The following THSD7B variants were observed in gnomAD, a reference collection of about 807,000 sequenced individuals.
The protein encoded by THSD7B is thrombospondin type 1 domain containing 7B, also known as thrombospondin type-1 domain-containing protein 7B.
THSD7B carries 138 observed loss-of-function variants against 213.6 expected under a neutral mutation model. The ratio of observed to expected loss-of-function variants is 0.65; its 90% CI spans 0.56 to 0.74. The LOEUF (loss-of-function observed/expected upper bound fraction) is 0.74. Ranked by LOEUF, THSD7B falls within the 30% of genes least tolerant of loss-of-function variation. THSD7B has a pLI of 0.00. For missense variants in THSD7B, 1,931 were observed against 1,991.5 expected (o/e 0.97, Z 0.58); for synonymous variants, 742 against 687.0 (o/e 1.08, Z -1.25).
intron 2 of THSD7B, among the ~76,000 whole-genome samples, chr2:136,940,913 T>C (rs190216308): frequency 1.3e-5 from 2 of 151,620 alleles, no homozygotes; most frequent in East Asian, 3.9e-4. Flanking sequence ...TGTGCAAGTT[T>C]GTTACATGGG....
chr2:137,414,954 G>A (rs755448191), intron 14 of THSD7B, among the ~76,000 whole-genome samples: 16 of 151,628 alleles, frequency 1.1e-4, no homozygotes, highest in Non-Finnish European at 2.2e-4. Context: ...TACTTGGGAG[G>A]CTGAGGTGGG....
chr2:137,320,483 G>A (rs1336296915), intron 12 of THSD7B, among the ~76,000 whole-genome samples: 1 of 152,184 alleles, frequency 6.6e-6, no homozygotes, highest in Non-Finnish European at 1.5e-5. Context: ...GACATTAAAT[G>A]TGCAATTTGT....
intron 12 of THSD7B, among the ~76,000 whole-genome samples, chr2:137,389,708 A>T (rs186777915): frequency 6.6e-6 from 1 of 151,716 alleles, no homozygotes; most frequent in African/African-American, 2.4e-5. Flanking sequence ...TTTGCATCTT[A>T]TGCTTAGGTT....
intron 14 of THSD7B, among the ~76,000 whole-genome samples, chr2:137,427,528 T>C (rs4954509): frequency 0.66 from 99,950 of 151,822 alleles, 33,779 homozygotes; most frequent in East Asian, 0.84. Context: ...AAAAAAAACC[T>C]TGCCATTTGT....
At chr2:137,176,151 A>G (rs1680353704) in intron 7 of THSD7B, among the ~76,000 whole-genome samples, 1 of 152,220 alleles carries the variant, frequency 6.6e-6, no homozygotes, top group Non-Finnish European at 1.5e-5. Context: ...TTTCTTTTTC[A>G]CATAAGTATA....
At chr2:137,518,417 G>A (rs374805906) in intron 15 of THSD7B, among the ~76,000 whole-genome samples, 40 of 152,332 alleles carry the variant, frequency 2.6e-4, no homozygotes, top group African/African-American at 8.4e-4. Flanking sequence ...ATGGCCAGAT[G>A]TGTGATTACA....
At chr2:136,848,657 TC>T (rs1313999360) in intron 1 of THSD7B, among the ~76,000 whole-genome samples, 1 of 152,190 alleles carries the variant, frequency 6.6e-6, no homozygotes, top group Admixed American at 6.6e-5. Flanking sequence ...TATCTTTTAA[TC>T]CAATTTTTGC....
chr2:137,107,094 G>A (rs10180236), intron 4 of THSD7B, among the ~76,000 whole-genome samples: 150,605 of 152,336 alleles, frequency 0.99, 74,465 homozygotes, highest in Middle Eastern at 1. Context: ...AGGCACACAT[G>A]TGTTTATTGC....
chr2:137,193,050 G>C (rs559170635), intron 7 of THSD7B, among the ~76,000 whole-genome samples: 1 of 152,076 alleles, frequency 6.6e-6, no homozygotes. Context: ...TGTGGAAACA[G>C]TTCAGCATGT....
At chr2:137,623,337 T>A (rs553585276) in intron 20 of THSD7B, among the ~76,000 whole-genome samples, 2 of 152,228 alleles carry the variant, frequency 1.3e-5, no homozygotes, top group Non-Finnish European at 2.9e-5. Flanking sequence ...CTCAAAATAA[T>A]AAGAGCTATT....
At chr2:136,827,727 T>A (rs1682671215) in intron 1 of THSD7B, among the ~76,000 whole-genome samples, 1 of 151,986 alleles carries the variant, frequency 6.6e-6, no homozygotes, top group Non-Finnish European at 1.5e-5. Flanking sequence ...AACCATTGGT[T>A]ATCAGTAGAA....
intron 10 of THSD7B, among the ~76,000 whole-genome samples, chr2:137,245,290 T>A (rs1249716591): frequency 6.6e-6 from 1 of 152,210 alleles, no homozygotes; most frequent in African/African-American, 2.4e-5. Context: ...TCTCTTTGCC[T>A]CAGTTTTCTA....
chr2:137,493,279 T>C (rs1298851962), intron 15 of THSD7B, among the ~76,000 whole-genome samples: 1 of 152,190 alleles, frequency 6.6e-6, no homozygotes, highest in East Asian at 1.9e-4. Flanking sequence ...CTGCATTTAC[T>C]GAAGACGTTT....
At chr2:137,198,031 C>G (rs1342228778) in intron 7 of THSD7B, among the ~76,000 whole-genome samples, 1 of 152,096 alleles carries the variant, frequency 6.6e-6, no homozygotes, top group Non-Finnish European at 1.5e-5. Context: ...GCAAGTACAT[C>G]TTTCATGCCT....
At chr2:137,236,696 C>T (rs959337238) in intron 9 of THSD7B, among the ~76,000 whole-genome samples, 8 of 152,162 alleles carry the variant, frequency 5.3e-5, no homozygotes, top group African/African-American at 1.9e-4. Context: ...CAGGTTTCCC[C>T]ATCTAGCTGA....
At chr2:136,922,483 A>G (rs1377242189) in intron 2 of THSD7B, among the ~76,000 whole-genome samples, 1 of 152,160 alleles carries the variant, frequency 6.6e-6, no homozygotes, top group African/African-American at 2.4e-5. Context: ...CCATGATGTA[A>G]TTTCCAGTTG....
chr2:136,778,287 C>T (rs1681651247), intron 1 of THSD7B, among the ~76,000 whole-genome samples: 1 of 152,170 alleles, frequency 6.6e-6, no homozygotes, highest in Non-Finnish European at 1.5e-5. Context: ...TAGTTTTCAA[C>T]CATTTGCTTC....
At chr2:137,092,120 A>C (rs551649287) in intron 3 of THSD7B, among the ~76,000 whole-genome samples, 3 of 152,196 alleles carry the variant, frequency 2.0e-5, no homozygotes, top group Non-Finnish European at 4.4e-5. Flanking sequence ...TAGATTTTAA[A>C]AAAATAAAAT....
intron 1 of THSD7B, among the ~76,000 whole-genome samples, chr2:136,817,260 T>C (rs1228745537): frequency 6.6e-6 from 1 of 152,184 alleles, no homozygotes; most frequent in Non-Finnish European, 1.5e-5. Flanking sequence ...AAAAGAATAT[T>C]AGCCCTTTGT....
Sources: allele counts gnomAD v4.1 joint callset (sites outside exome capture counted in the v4.1 genomes callset), GRCh38; gene constraint gnomAD v4.1.1; transcripts MANE v1.5; gene names NCBI Gene and HGNC (gene_info 2026-07-23, HGNC 2026-07-21).